The following SLC16A12 variants were observed in gnomAD, a reference collection of about 807,000 sequenced individuals.
SLC16A12 encodes monocarboxylate transporter 12.
Under a neutral mutation model 42.4 loss-of-function variants are expected in SLC16A12, and 17 were observed. That is an observed-to-expected ratio of 0.40 (90% CI 0.27 to 0.60). The LOEUF (loss-of-function observed/expected upper bound fraction) is 0.60. Among genes scored for constraint, SLC16A12 ranks in the 20% least tolerant of loss-of-function variants. SLC16A12 has a pLI of 0.42. For missense variants in SLC16A12, 544 were observed against 623.0 expected (o/e 0.87, Z 1.35); for synonymous variants, 224 against 229.4 (o/e 0.98, Z 0.21).
intron 2 of SLC16A12, among the ~76,000 whole-genome samples, chr10:89,517,925 T>C (rs1271302566): frequency 6.6e-6 from 1 of 152,038 alleles, no homozygotes; most frequent in African/African-American, 2.4e-5. Context: ...ACACCTAAGA[T>C]GCCAATCACA....
intron 2 of SLC16A12, among the ~76,000 whole-genome samples, chr10:89,511,589 G>A (rs189995491): frequency 6.6e-6 from 1 of 152,228 alleles, no homozygotes; most frequent in Non-Finnish European, 1.5e-5. Flanking sequence ...GGAGGGTGGA[G>A]GGGCTGGGGG....
At chr10:89,500,189 A>T (rs1282585333) in intron 2 of SLC16A12, among the ~76,000 whole-genome samples, 1 of 152,206 alleles carries the variant, frequency 6.6e-6, no homozygotes, top group Non-Finnish European at 1.5e-5. Context: ...AGAGGGATTC[A>T]CAGCAGGATT....
At chr10:89,461,944 G>A (rs950410958) in intron 3 of SLC16A12, among the ~76,000 whole-genome samples, 1 of 152,214 alleles carries the variant, frequency 6.6e-6, no homozygotes, top group Non-Finnish European at 1.5e-5. Flanking sequence ...AAGATGAAGA[G>A]TGAAAAGAAA....
intron 3 of SLC16A12, among the ~76,000 whole-genome samples, chr10:89,446,806 G>C (rs1301515591): frequency 6.6e-6 from 1 of 152,086 alleles, no homozygotes; most frequent in Non-Finnish European, 1.5e-5. Flanking sequence ...AAAAGACACA[G>C]ACTAGCCAAT....
intron 3 of SLC16A12, among the ~76,000 whole-genome samples, chr10:89,453,699 G>A (rs552256929): frequency 1.3e-5 from 2 of 152,206 alleles, no homozygotes; most frequent in African/African-American, 4.8e-5. Context: ...ATTGCTTAAT[G>A]ATATATTTCT....
intron 2 of SLC16A12, among the ~76,000 whole-genome samples, chr10:89,550,932 C>T (rs1843766889): frequency 1.3e-5 from 2 of 152,242 alleles, no homozygotes; most frequent in East Asian, 3.9e-4. Context: ...AGAAGATGTC[C>T]ATCATGTTTA....
chr10:89,535,751 G>T (rs981840004), upstream of SLC16A12, among the ~76,000 whole-genome samples: 1 of 152,002 alleles, frequency 6.6e-6, no homozygotes, highest in African/African-American at 2.4e-5. Context: ...CCGCCGAGCC[G>T]CGTCCCTGCG....
chr10:89,459,516 A>ATGTGTGTGTGTGTGTG (rs58259835), intron 3 of SLC16A12, among the ~76,000 whole-genome samples: 1,713 of 149,672 alleles, frequency 0.011, 47 homozygotes, highest in South Asian at 0.013. Flanking sequence ...TTCTGTGTTT[A>ATGTGTGTGTGTGTGTG]TGTGTGTGTG....
At chr10:89,513,232 C>G (rs948209478) in intron 2 of SLC16A12, among the ~76,000 whole-genome samples, 3 of 152,040 alleles carry the variant, frequency 2.0e-5, no homozygotes, top group Admixed American at 6.6e-5. Context: ...CATAATGATA[C>G]CATGGATGTA....
chr10:89,520,722 A>G (rs917788361), intron 2 of SLC16A12, among the ~76,000 whole-genome samples: 4 of 81,006 alleles, frequency 4.9e-5, no homozygotes, highest in African/African-American at 1.6e-4. Flanking sequence ...ACATAGGCCA[A>G]AAAAAAAAAA....
At chr10:89,512,257 G>A (rs1026458921) in intron 2 of SLC16A12, among the ~76,000 whole-genome samples, 29 of 152,200 alleles carry the variant, frequency 1.9e-4, no homozygotes, top group African/African-American at 6.8e-4. Context: ...AATGCGAATG[G>A]TGAACATACT....
At chr10:89,494,183 T>A (rs303176) in intron 2 of SLC16A12, among the ~76,000 whole-genome samples, 32,775 of 152,152 alleles carry the variant, frequency 0.22, 3,983 homozygotes, top group Non-Finnish European at 0.28. Context: ...AAGAAACCCA[T>A]TGGTCCAGCA....
chr10:89,462,835 T>C lies in SLC16A12; in HGVS notation c.-46-211A>G, dbSNP rs1470041608. Reference sequence around the variant, plus strand: ...ACCTCTCAAATTGTAGTCAAATGCATGTCTACTCTATTTGATACCATTTTT... The same window carrying C: ...ACCTCTCAAATTGTAGTCAAATGCACGTCTACTCTATTTGATACCATTTTT... On this transcript the variant is annotated intron_variant, in intron 2 of 7. Coordinates refer to ENST00000371790, the MANE Select transcript of SLC16A12 (RefSeq NM_213606.4). 6 of 485,754 alleles carry C rather than the reference T, an allele frequency of 1.2e-5. No individual in the cohort carries two copies. In the South Asian group the frequency reaches 1.3e-4, roughly 10 times the overall value. The allele number at this position is 485,754 out of a possible 1,614,324, so 30.1% of individuals were successfully genotyped here.
At chr10:89,526,436 T>C (rs1270565721) in intron 2 of SLC16A12, among the ~76,000 whole-genome samples, 2 of 152,196 alleles carry the variant, frequency 1.3e-5, no homozygotes. Flanking sequence ...ACTGCTTACT[T>C]GGTTATCTCT....
rs1843615399 is a variant in SLC16A12 at position 89,534,505 on chromosome 10, C to T, written c.-51G>A. The T allele has an allele frequency of 1.3e-5, 2 of 152,122 alleles. No individual in the cohort carries two copies. The highest frequency in any genetic ancestry group is 1.3e-4 in the Admixed American group (2 of 15,250). The allele number at this position is 152,122 out of a possible 1,614,324, so 9.4% of individuals were successfully genotyped here. Reference sequence around the variant, plus strand: ...CAGTTTCCTGGCAGGACTCACCTGACTAGACATTTTTAAAAATTATGGCCA... The same window carrying T: ...CAGTTTCCTGGCAGGACTCACCTGATTAGACATTTTTAAAAATTATGGCCA... On this transcript the variant is annotated 5_prime_UTR_variant, in exon 2 of 8. Coordinates refer to ENST00000371790, the MANE Select transcript of SLC16A12 (RefSeq NM_213606.4).
At chr10:89,546,648 A>T (rs983613222) in intron 2 of SLC16A12, among the ~76,000 whole-genome samples, 1 of 152,252 alleles carries the variant, frequency 6.6e-6, no homozygotes, top group African/African-American at 2.4e-5. Flanking sequence ...ATCTAGAACC[A>T]GAAATATCAT....
chr10:89,477,564 CAAA>C (rs34204051), intron 2 of SLC16A12, among the ~76,000 whole-genome samples: 7 of 49,258 alleles, frequency 1.4e-4, no homozygotes, highest in African/African-American at 4.9e-4. Flanking sequence ...AACTCTGTCT[CAAA>C]AAAAAAAAAA....
chr10:89,535,371 T>A (rs1217242161), intron 1 of SLC16A12, 71 bp downstream of exon 1: 1 of 152,594 alleles, frequency 6.6e-6, no homozygotes, highest in Non-Finnish European at 1.5e-5. Flanking sequence ...GTCCCCGTCC[T>A]CCTCCAGCTC....
At chr10:89,542,077 C>A (rs561363403) in intron 2 of SLC16A12, among the ~76,000 whole-genome samples, 1 of 151,832 alleles carries the variant, frequency 6.6e-6, no homozygotes, top group African/African-American at 2.4e-5. Flanking sequence ...ACGAGAGTGG[C>A]GGGCACAGCC....
Sources: allele counts gnomAD v4.1 joint callset (sites outside exome capture counted in the v4.1 genomes callset), GRCh38; gene constraint gnomAD v4.1.1; transcripts MANE v1.5; gene names NCBI Gene and HGNC (gene_info 2026-07-23, HGNC 2026-07-21).